The following SLC35F1 variants were observed in gnomAD, a reference collection of about 807,000 sequenced individuals.
The protein encoded by SLC35F1 is solute carrier family 35 member F1.
A neutral mutation model predicts 48.7 loss-of-function variants in SLC35F1; 14 were observed. The observed-to-expected ratio is 0.29, with a 90% CI of 0.19 to 0.45. The LOEUF is 0.45. Ranked by LOEUF, SLC35F1 falls within the 20% of genes least tolerant of loss-of-function variation. The probability of loss-of-function intolerance (pLI) is 1.00; values close to 1 mark genes in which losing one functional copy is unlikely to be tolerated. For synonymous variants in SLC35F1, 190 were observed against 202.2 expected (o/e 0.94, Z 0.51); for missense variants, 404 against 500.0 (o/e 0.81, Z 1.83).
intron 1 of SLC35F1, among the ~76,000 whole-genome samples, chr6:117,967,399 T>C (rs1776584568): frequency 6.6e-6 from 1 of 152,214 alleles, no homozygotes; most frequent in Non-Finnish European, 1.5e-5. Flanking sequence ...TTTAAGAATT[T>C]AAGTAATCAG....
chr6:118,184,574 T>C (rs1000715850), intron 2 of SLC35F1, among the ~76,000 whole-genome samples: 1 of 152,164 alleles, frequency 6.6e-6, no homozygotes, highest in African/African-American at 2.4e-5. Context: ...GGAACTGTCT[T>C]TCGAGTCTTT....
chr6:118,217,546 T>C (rs1775091408), intron 2 of SLC35F1, among the ~76,000 whole-genome samples: 2 of 152,142 alleles, frequency 1.3e-5, no homozygotes, highest in Non-Finnish European at 2.9e-5. Flanking sequence ...AGATGGTTAG[T>C]GGTGATGGTT....
chr6:118,102,112 C>T (rs1464598235), intron 1 of SLC35F1, among the ~76,000 whole-genome samples: 3 of 152,172 alleles, frequency 2.0e-5, no homozygotes, highest in South Asian at 4.1e-4. Context: ...CCCCTTTCAT[C>T]GGGTCTAATG....
intron 1 of SLC35F1, among the ~76,000 whole-genome samples, chr6:117,928,100 G>A (rs573802701): frequency 6.6e-6 from 1 of 152,194 alleles, no homozygotes; most frequent in Non-Finnish European, 1.5e-5. Context: ...GAAACATGCT[G>A]CTTTGTGAGT....
intron 1 of SLC35F1, among the ~76,000 whole-genome samples, chr6:118,084,766 G>C (rs1772961372): frequency 6.6e-6 from 1 of 152,040 alleles, no homozygotes; most frequent in Admixed American, 6.5e-5. Flanking sequence ...GAGGTGGACA[G>C]GGTGCTGGGG....
At chr6:118,302,084 C>T (rs1360826291) in intron 7 of SLC35F1, among the ~76,000 whole-genome samples, 2 of 152,026 alleles carry the variant, frequency 1.3e-5, no homozygotes, top group Non-Finnish European at 2.9e-5. Flanking sequence ...TATTTGAGTT[C>T]TTGGTGGCAT....
intron 6 of SLC35F1, among the ~76,000 whole-genome samples, chr6:118,281,202 C>CTATA (rs1385900669): frequency 0.078 from 9,927 of 126,790 alleles, 340 homozygotes; most frequent in Non-Finnish European, 0.1. Context: ...CTCTCTCTCT[C>CTATA]TCTATATATA....
At chr6:118,063,924 A>G (rs1033426535) in intron 1 of SLC35F1, among the ~76,000 whole-genome samples, 4 of 152,222 alleles carry the variant, frequency 2.6e-5, no homozygotes, top group African/African-American at 9.6e-5. Flanking sequence ...GATTAATCAT[A>G]TAAAGAAGGT....
intron 1 of SLC35F1, among the ~76,000 whole-genome samples, chr6:117,943,918 A>G (rs1427219453): frequency 1.3e-5 from 2 of 152,142 alleles, no homozygotes; most frequent in Admixed American, 1.3e-4. Context: ...CAAACTTTGT[A>G]AGTATCAGTC....
At chr6:118,126,238 A>G (rs575161560) in intron 1 of SLC35F1, among the ~76,000 whole-genome samples, 1 of 152,258 alleles carries the variant, frequency 6.6e-6, no homozygotes, top group East Asian at 1.9e-4. Context: ...GATTAGATGG[A>G]TTAATTCATG....
intron 1 of SLC35F1, among the ~76,000 whole-genome samples, chr6:118,117,671 C>T (rs1377978924): frequency 6.6e-6 from 1 of 152,044 alleles, no homozygotes; most frequent in African/African-American, 2.4e-5. Context: ...ATGCAACCAC[C>T]ACCAAAACCC....
chr6:118,265,771 G>A (rs752552688), intron 3 of SLC35F1, among the ~76,000 whole-genome samples: 4 of 152,248 alleles, frequency 2.6e-5, no homozygotes, highest in Non-Finnish European at 4.4e-5. Context: ...TCACTGCCCT[G>A]TACTGGCAGC....
At chr6:118,227,536 C>T (rs1209750045) in intron 2 of SLC35F1, among the ~76,000 whole-genome samples, 1 of 152,094 alleles carries the variant, frequency 6.6e-6, no homozygotes, top group Non-Finnish European at 1.5e-5. Context: ...TTCCATAGTA[C>T]TCAGCTTAAC....
At position 118,314,302 on chromosome 6, in the gene SLC35F1, C is replaced by G. The variant is rs745383451; in HGVS notation, c.*50C>G. On this transcript the variant is annotated 3_prime_UTR_variant, in exon 8 of 8. Coordinates refer to ENST00000360388, the MANE Select transcript of SLC35F1 (RefSeq NM_001029858.4). Reference sequence around the variant, plus strand: ...GGCCAACTCATTGGCCATGTTTTTGCCCATCATCTCTGTATTGTACATAGA... The same window carrying G: ...GGCCAACTCATTGGCCATGTTTTTGGCCATCATCTCTGTATTGTACATAGA... 5.9e-6 allele frequency: 9 copies of G among 1,522,166 alleles called. No individual in the cohort carries two copies. Among genetic ancestry groups the G allele is most frequent in the Non-Finnish European group, 8.2e-6 (9 of 1,098,948 alleles). 94.3% of individuals were successfully genotyped at this position (1,522,166 alleles called of 1,614,324 possible).
At position 118,202,031 on chromosome 6, in the gene SLC35F1, G is replaced by GTTTTCACC. The variant is rs368069430; in HGVS notation, c.350-33474_350-33473insCACCTTTT. Among the ~76,000 whole-genome samples, 459 of 152,222 alleles carry GTTTTCACC rather than the reference G, an allele frequency of 3.0e-3. 3 individuals are homozygous for GTTTTCACC. Among genetic ancestry groups the GTTTTCACC allele is most frequent in the African/African-American group, 0.01 (430 of 41,526 alleles). On this transcript the variant is annotated intron_variant, in intron 2 of 7. Coordinates refer to ENST00000360388, the MANE Select transcript of SLC35F1 (RefSeq NM_001029858.4). ...TCATCAGTTGATGGTCATTTGGGTT[G>GTTTTCACC]TTTTGGAAAATAAGAATAATTCTGC...
At chr6:118,049,838 C>A (rs113899645) in intron 1 of SLC35F1, among the ~76,000 whole-genome samples, 26,364 of 151,496 alleles carry the variant, frequency 0.17, 2,697 homozygotes, top group Middle Eastern at 0.27. Context: ...CTAGAAATAC[C>A]ATTTGACCCA....
chr6:117,998,949 C>T (rs984766926), intron 1 of SLC35F1: 37 of 877,206 alleles, frequency 4.2e-5, no homozygotes, highest in East Asian at 3.6e-4. Context: ...CTAGGCACTT[C>T]GGGAGCCGCG....
chr6:117,929,435 A>G (rs1483845451), intron 1 of SLC35F1, among the ~76,000 whole-genome samples: 1 of 147,772 alleles, frequency 6.8e-6, no homozygotes, highest in African/African-American at 2.5e-5. Context: ...TCACATTTGT[A>G]TATATGTGTA....
intron 1 of SLC35F1, among the ~76,000 whole-genome samples, chr6:117,930,888 C>G (rs1169991096): frequency 6.6e-6 from 1 of 152,100 alleles, no homozygotes; most frequent in Non-Finnish European, 1.5e-5. Context: ...AAAGAGTTCT[C>G]CAGTGTAATT....
Sources: gnomAD v4.1 joint callset for allele counts (sites outside exome capture counted in the v4.1 genomes callset) on GRCh38, gnomAD v4.1.1 for gene constraint, MANE v1.5 for transcripts, NCBI Gene and HGNC (gene_info 2026-07-23, HGNC 2026-07-21) for gene names.